CNTN5: variants seen among roughly 807,000 people sequenced by gnomAD.
CNTN5 encodes contactin-5.
CNTN5 carries 77 observed loss-of-function variants against 129.1 expected under a neutral mutation model. The observed-to-expected ratio is 0.60, with a 90% CI of 0.50 to 0.72. The LOEUF is 0.72. CNTN5 is among the 30% of genes least tolerant of loss of function. CNTN5 has a pLI of 0.00. For synonymous variants in CNTN5, 509 were observed against 465.6 expected (o/e 1.09, Z -1.20); for missense variants, 1,478 against 1,328.8 (o/e 1.11, Z -1.75).
intron 6 of CNTN5, among the ~76,000 whole-genome samples, chr11:99,854,864 A>G (rs1327533895): frequency 6.6e-6 from 1 of 152,176 alleles, no homozygotes; most frequent in Non-Finnish European, 1.5e-5. Context: ...TCAGGAATAT[A>G]TGTGTTTCTC....
intron 1 of CNTN5, among the ~76,000 whole-genome samples, chr11:99,085,442 T>G (rs1029170783): frequency 3.6e-4 from 55 of 152,280 alleles, no homozygotes; most frequent in African/African-American, 1.3e-3. Flanking sequence ...TTTTTGAAAT[T>G]TTGGAATTAT....
At chr11:99,479,266 CTT>C (rs11372808) in intron 2 of CNTN5, among the ~76,000 whole-genome samples, 41 of 147,828 alleles carry the variant, frequency 2.8e-4, no homozygotes, top group African/African-American at 1.0e-3. Context: ...GCCCTTCACA[CTT>C]TTTTTTTTAC....
chr11:99,753,520 T>C (rs1020273479), intron 3 of CNTN5, among the ~76,000 whole-genome samples: 7 of 151,568 alleles, frequency 4.6e-5, no homozygotes, highest in African/African-American at 1.7e-4. Flanking sequence ...GTCCCATATT[T>C]CTCCCTGTCT....
In CNTN5 at chr11:99,071,617, C is replaced by T. The variant is rs190840904; in HGVS notation, c.-210+50347C>T. On this transcript the variant is annotated intron_variant, in intron 1 of 24. Transcript: ENST00000524871. ...GTTTAGCATCAGAAAATTTTAAAGT[C>T]AATGTATAAGCCATGTACTTCATAT... Among the ~76,000 whole-genome samples the T allele has an allele frequency of 1.9e-3, 296 of 152,134 alleles. 2 individuals are homozygous for T. Among genetic ancestry groups the T allele is most frequent in the African/African-American group, 6.8e-3 (283 of 41,526 alleles).
intron 3 of CNTN5, among the ~76,000 whole-genome samples, chr11:99,635,464 A>T (rs1286924753): frequency 1.4e-5 from 2 of 142,916 alleles, no homozygotes; most frequent in Non-Finnish European, 3.1e-5. Context: ...GGTAGATGAT[A>T]AAATTGGAAA....
At chr11:99,274,776 C>A (rs1268852668) in intron 1 of CNTN5, among the ~76,000 whole-genome samples, 9 of 151,450 alleles carry the variant, frequency 5.9e-5, no homozygotes, top group Non-Finnish European at 3.0e-5. Flanking sequence ...TTCTAAACCT[C>A]ATTTTCCACA....
At chr11:99,795,062 G>T (rs1945884066) in intron 3 of CNTN5, among the ~76,000 whole-genome samples, 1 of 152,156 alleles carries the variant, frequency 6.6e-6, no homozygotes, top group African/African-American at 2.4e-5. Flanking sequence ...GGATGCCAGT[G>T]AATCATAGAT....
chr11:99,210,714 A>AATGTT (rs150728882), intron 1 of CNTN5, among the ~76,000 whole-genome samples: 21,173 of 152,004 alleles, frequency 0.14, 1,540 homozygotes, highest in African/African-American at 0.17. Context: ...TGGCTATGTA[A>AATGTT]ATGTTATGTT....
intron 13 of CNTN5, among the ~76,000 whole-genome samples, chr11:100,139,282 G>A (rs73565486): frequency 0.038 from 5,779 of 152,150 alleles, 354 homozygotes; most frequent in African/African-American, 0.13. Flanking sequence ...AGAAATTGTA[G>A]AAGTACCACA....
chr11:100,050,097 C>T (rs1446041961), intron 9 of CNTN5, among the ~76,000 whole-genome samples: 1 of 152,080 alleles, frequency 6.6e-6, no homozygotes, highest in Non-Finnish European at 1.5e-5. Flanking sequence ...ACTAGAAATA[C>T]CATTTGACCC....
intron 1 of CNTN5, among the ~76,000 whole-genome samples, chr11:99,285,118 C>T (rs1040367039): frequency 1.3e-5 from 2 of 151,914 alleles, no homozygotes; most frequent in African/African-American, 4.8e-5. Context: ...CCCTGTCACC[C>T]CTAGCCTTCC....
At position 99,952,234 on chromosome 11, in the gene CNTN5, A is replaced by G. The variant is rs1950693305; in HGVS notation, c.674-4572A>G. Among the ~76,000 whole-genome samples, 3 of 152,312 alleles carry G rather than the reference A, an allele frequency of 2.0e-5. No homozygotes were observed. The South Asian group carries it at 6.2e-4, about 32-fold the overall frequency. On this transcript the variant is annotated intron_variant, in intron 7 of 24. Transcript: ENST00000524871. ...ATCCAAAGTGGTAGGATTGGGTACA[A>G]ACTTTCAAAAAAGAAAATAATTGTA...
At chr11:99,999,271 A>G (rs972583250) in intron 8 of CNTN5, among the ~76,000 whole-genome samples, 16 of 152,330 alleles carry the variant, frequency 1.1e-4, no homozygotes, top group Non-Finnish European at 2.1e-4. Context: ...ACAAAGGGCT[A>G]ATATCCAGAA....
At chr11:99,830,469 A>C (rs1296670400) in intron 4 of CNTN5, among the ~76,000 whole-genome samples, 1 of 152,134 alleles carries the variant, frequency 6.6e-6, no homozygotes, top group Non-Finnish European at 1.5e-5. Flanking sequence ...ATCCTGACTC[A>C]AAGCAACCCC....
intron 1 of CNTN5, among the ~76,000 whole-genome samples, chr11:99,128,492 C>T (rs760805749): frequency 2.0e-5 from 3 of 152,160 alleles, no homozygotes; most frequent in Non-Finnish European, 4.4e-5. Context: ...TGTCCTCTGC[C>T]AGGGACAGAG....
intron 2 of CNTN5, among the ~76,000 whole-genome samples, chr11:99,357,972 C>A (rs1459756289): frequency 2.7e-5 from 4 of 148,644 alleles, no homozygotes; most frequent in African/African-American, 9.9e-5. Context: ...CCACTGCACT[C>A]CAGCCTGGGC....
chr11:99,481,160 AG>A, intron 2 of CNTN5, among the ~76,000 whole-genome samples: 1 of 152,186 alleles, frequency 6.6e-6, no homozygotes, highest in South Asian at 2.1e-4. Flanking sequence ...CTGCATTCAA[AG>A]GTTCTTGCCA....
chr11:100,340,800 A>G (rs1486331869), intron 22 of CNTN5, among the ~76,000 whole-genome samples, 151 bp downstream of exon 22: 1 of 152,244 alleles, frequency 6.6e-6, no homozygotes, highest in Non-Finnish European at 1.5e-5. Flanking sequence ...TCCTCAAACT[A>G]GCTCAGAAAA....
At chr11:99,971,127 C>T (rs968434311) in intron 8 of CNTN5, among the ~76,000 whole-genome samples, 3 of 152,146 alleles carry the variant, frequency 2.0e-5, no homozygotes, top group Non-Finnish European at 2.9e-5. Flanking sequence ...CATAATACCA[C>T]CCACACAGCC....
Sources: allele counts gnomAD v4.1 joint callset (sites outside exome capture counted in the v4.1 genomes callset), GRCh38; gene constraint gnomAD v4.1.1; transcripts MANE v1.5; gene names NCBI Gene and HGNC (gene_info 2026-07-23, HGNC 2026-07-21).